Variants in WWOX observed in about 807,000 individuals in gnomAD.
WWOX encodes WW domain containing oxidoreductase, also known as WW domain-containing oxidoreductase.
Under a neutral mutation model 46.2 loss-of-function variants are expected in WWOX, and 69 were observed. That is an observed-to-expected ratio of 1.49 (90% CI 1.23 to 1.82). The LOEUF (loss-of-function observed/expected upper bound fraction) is 1.82, where lower values mean the gene tolerates loss of function less well. WWOX is among the 40% of genes most tolerant of loss of function. The pLI, the probability that WWOX is intolerant of heterozygous loss-of-function variation, is 0.00. For missense variants in WWOX, 919 were observed against 542.6 expected (o/e 1.69, Z -6.89); for synonymous variants, 359 against 202.6 (o/e 1.77, Z -6.56).
chr16:78,662,065 G>A (rs1423079741), intron 8 of WWOX, among the ~76,000 whole-genome samples: 2 of 151,992 alleles, frequency 1.3e-5, no homozygotes, highest in Non-Finnish European at 2.9e-5. Context: ...AATAATTGTA[G>A]TAGTAGTAGT....
intron 8 of WWOX, among the ~76,000 whole-genome samples, chr16:78,959,202 C>T (rs1475411985): frequency 2.0e-5 from 3 of 152,144 alleles, no homozygotes; most frequent in Non-Finnish European, 4.4e-5. Context: ...GGTTCTCGTT[C>T]TTCTCATTAC....
At chr16:78,151,233 A>G (rs2034395707) in intron 4 of WWOX, among the ~76,000 whole-genome samples, 1 of 151,940 alleles carries the variant, frequency 6.6e-6, no homozygotes, top group South Asian at 2.1e-4. Flanking sequence ...CCCAGTATGT[A>G]TTTCTTATTA....
At chr16:78,537,975 A>C (rs1312578902) in intron 8 of WWOX, among the ~76,000 whole-genome samples, 1 of 152,102 alleles carries the variant, frequency 6.6e-6, no homozygotes, top group African/African-American at 2.4e-5. Flanking sequence ...TCAGTAAATG[A>C]AATTCACCTT....
intron 8 of WWOX, among the ~76,000 whole-genome samples, chr16:78,739,197 C>G (rs1018240051): frequency 5.9e-5 from 9 of 151,922 alleles, no homozygotes; most frequent in African/African-American, 2.2e-4. Context: ...TTCTTAAGTA[C>G]CCGGCTAAAA....
chr16:78,453,347 C>T (rs751839399), intron 8 of WWOX, among the ~76,000 whole-genome samples: 6 of 151,266 alleles, frequency 4.0e-5, no homozygotes, highest in Admixed American at 6.6e-5. Context: ...CGTTTGAACC[C>T]GAGAGGTGGA....
chr16:78,634,421 G>C (rs1382270848), intron 8 of WWOX, among the ~76,000 whole-genome samples: 1 of 152,044 alleles, frequency 6.6e-6, no homozygotes, highest in Non-Finnish European at 1.5e-5. Context: ...CAAAGTTGTA[G>C]GGACAGCCGG....
intron 8 of WWOX, among the ~76,000 whole-genome samples, chr16:78,671,601 T>G (rs981650404): frequency 6.6e-6 from 1 of 152,132 alleles, no homozygotes; most frequent in African/African-American, 2.4e-5. Flanking sequence ...AGCCCTGATT[T>G]TCTTACCTAT....
At chr16:78,803,225 G>A (rs1243702830) in intron 8 of WWOX, among the ~76,000 whole-genome samples, 1 of 151,298 alleles carries the variant, frequency 6.6e-6, no homozygotes, top group African/African-American at 2.4e-5. Flanking sequence ...AAAAGCTGTG[G>A]CTATGAAGAA....
chr16:78,877,279 CCCCCCCTCTGACCCGCCTGCCT>C (rs1392300820), intron 8 of WWOX, among the ~76,000 whole-genome samples: 2 of 77,196 alleles, frequency 2.6e-5, no homozygotes, highest in East Asian at 7.1e-4. Flanking sequence ...CTGCCTGCCT[CCCCCCCTCTGACCCGCCTGCCT>C]CCCCCCTGTG....
At chr16:78,227,074 A>C (rs1236386355) in intron 5 of WWOX, among the ~76,000 whole-genome samples, 1 of 152,112 alleles carries the variant, frequency 6.6e-6, no homozygotes, top group Non-Finnish European at 1.5e-5. Flanking sequence ...TCTGATCCTC[A>C]CTGCTCTAAT....
In WWOX at chr16:78,235,262, T is replaced by C. The variant is rs114590611; in HGVS notation, c.516+70973T>C. 3.4e-3 allele frequency among the ~76,000 whole-genome samples: 522 copies of C among 152,248 alleles called. 4 individuals carry two copies. Among genetic ancestry groups the C allele is most frequent in the African/African-American group, 0.012 (481 of 41,544 alleles). On this transcript the variant is annotated intron_variant, in intron 5 of 8. Transcript: ENST00000566780. ...GTGTGGCTGTGTTTGTCAGTCGTGG[T>C]TTGTGTTCTTTGATTTGTTCTGCAT...
intron 8 of WWOX, among the ~76,000 whole-genome samples, chr16:78,538,634 TTG>T (rs1250199405): frequency 6.6e-6 from 1 of 152,210 alleles, no homozygotes; most frequent in African/African-American, 2.4e-5. Flanking sequence ...TCCAAAGACT[TTG>T]TGTTTCCTAT....
intron 8 of WWOX, among the ~76,000 whole-genome samples, chr16:78,927,970 G>A (rs2045536301): frequency 6.6e-6 from 1 of 151,698 alleles, no homozygotes; most frequent in Non-Finnish European, 1.5e-5. Context: ...AACAATCTCA[G>A]GGTTTTTGTG....
chr16:79,105,627 C>T (rs149260858), intron 8 of WWOX, among the ~76,000 whole-genome samples: 1 of 150,514 alleles, frequency 6.6e-6, no homozygotes, highest in African/African-American at 2.4e-5. Flanking sequence ...AATCTGCTTT[C>T]TTTTGTTTAT....
At chr16:79,155,283 G>T (rs1244145886) in intron 8 of WWOX, among the ~76,000 whole-genome samples, 1 of 152,182 alleles carries the variant, frequency 6.6e-6, no homozygotes, top group African/African-American at 2.4e-5. Flanking sequence ...GGCCGAGGCA[G>T]GAGAATCACT....
At chr16:78,858,821 G>A (rs1235547183) in intron 8 of WWOX, among the ~76,000 whole-genome samples, 1 of 151,020 alleles carries the variant, frequency 6.6e-6, no homozygotes, top group African/African-American at 2.4e-5. Flanking sequence ...TGGGACCACT[G>A]GCATGTGTCA....
At chr16:78,721,956 C>G (rs911947864) in intron 8 of WWOX, among the ~76,000 whole-genome samples, 1 of 152,238 alleles carries the variant, frequency 6.6e-6, no homozygotes, top group South Asian at 2.1e-4. Flanking sequence ...CTACTTTTTG[C>G]CTATTAAGCA....
At chr16:78,175,381 A>G (rs1469197755) in intron 5 of WWOX, among the ~76,000 whole-genome samples, 1 of 152,260 alleles carries the variant, frequency 6.6e-6, no homozygotes. Flanking sequence ...TTCAAGAAGT[A>G]GAGGCCAGTT....
chr16:78,972,350 G>A (rs1435395581), intron 8 of WWOX, among the ~76,000 whole-genome samples: 1 of 152,090 alleles, frequency 6.6e-6, no homozygotes, highest in African/African-American at 2.4e-5. Flanking sequence ...GATGGGAGCC[G>A]TGAAGTGAGC....
Sources: gnomAD v4.1 joint callset for allele counts (sites outside exome capture counted in the v4.1 genomes callset) on GRCh38, gnomAD v4.1.1 for gene constraint, MANE v1.5 for transcripts, NCBI Gene and HGNC (gene_info 2026-07-23, HGNC 2026-07-21) for gene names.